The following ASNS variants were observed in gnomAD, a reference collection of about 807,000 sequenced individuals.
ASNS encodes the protein asparagine synthetase (glutamine-hydrolyzing).
A neutral mutation model predicts 62.6 loss-of-function variants in ASNS; 37 were observed. The ratio of observed to expected loss-of-function variants is 0.59; its 90% CI spans 0.45 to 0.78. ASNS has a LOEUF of 0.78. Ranked by LOEUF, ASNS falls within the 30% of genes least tolerant of loss-of-function variation. The pLI is 0.00. For missense variants in ASNS, 520 were observed against 682.4 expected (o/e 0.76, Z 2.65); for synonymous variants, 207 against 237.9 (o/e 0.87, Z 1.19).
chr7:97,857,208 A>T (rs1346335715), intron 7 of ASNS, among the ~76,000 whole-genome samples: 1 of 152,156 alleles, frequency 6.6e-6, no homozygotes, highest in African/African-American at 2.4e-5. Flanking sequence ...ATTCTTATAT[A>T]GAATGGCCCT....
In ASNS at chr7:97,869,106, C is replaced by T. The variant is rs765364206; in HGVS notation, c.51G>A (p.Gln17=). ...LFGSDDCLSV[Q]CLSAMKIAHR... is the part of the protein sequence containing the mutation. ...GTGCAATCTTCATAGCACTCAGACA[C>T]TGAACAGAAAGGCAATCATCACTGC... Residue 17 remains glutamine, a synonymous_variant, in exon 3 of 13, where the codon CAG becomes CAA. Transcript: ENST00000394308. 6.2e-7 allele frequency: 1 copy of T among 1,614,194 alleles called. No homozygotes were observed. The highest frequency in any genetic ancestry group is 8.5e-7 in the Non-Finnish European group (1 of 1,180,028).
chr7:97,880,728 T>C, the ASNS span, among the ~76,000 whole-genome samples: 1 of 152,066 alleles, frequency 6.6e-6, no homozygotes, highest in Non-Finnish European at 1.5e-5. Context: ...CAGAAAGACA[T>C]TGGCAGGCTA....
At chr7:97,898,962 C>T in the ASNS span, 1 of 833,028 alleles carries the variant, frequency 1.2e-6, no homozygotes, top group Non-Finnish European at 2.0e-6. Context: ...ATTTGGGTTC[C>T]TTGGGTCCTG....
chr7:97,896,741 C>CACACACACACACATAT, the ASNS span, among the ~76,000 whole-genome samples: 11 of 19,766 alleles, frequency 5.6e-4, no homozygotes, highest in African/African-American at 1.2e-3. Context: ...CACACACACA[C>CACACACACACACATAT]ATATATATAT....
At chr7:97,878,688 G>A in the ASNS span, among the ~76,000 whole-genome samples, 2 of 152,154 alleles carry the variant, frequency 1.3e-5, no homozygotes, top group Admixed American at 6.5e-5. Context: ...TGGGTAGGAA[G>A]AATCAATATT....
At chr7:97,917,995 A>G in the ASNS span, among the ~76,000 whole-genome samples, 4 of 152,146 alleles carry the variant, frequency 2.6e-5, no homozygotes, top group Non-Finnish European at 5.9e-5. Flanking sequence ...AGGCCTCGAG[A>G]TTTGCAGTAA....
upstream of ASNS, among the ~76,000 whole-genome samples, chr7:97,877,365 T>C (rs1397476324): frequency 6.6e-6 from 1 of 152,200 alleles, no homozygotes; most frequent in Non-Finnish European, 1.5e-5. Flanking sequence ...AGTGTTGGGA[T>C]TACAGGCATG....
the ASNS span, among the ~76,000 whole-genome samples, chr7:97,907,768 C>CAAAAAAAAAAAAAA: frequency 7.2e-6 from 1 of 138,474 alleles, no homozygotes; most frequent in Admixed American, 7.3e-5. Flanking sequence ...GACTCCATCT[C>CAAAAAAAAAAAAAA]AAAAAAAAAA....
At chr7:97,890,863 T>C in the ASNS span, among the ~76,000 whole-genome samples, 12 of 152,318 alleles carry the variant, frequency 7.9e-5, no homozygotes, top group Middle Eastern at 3.4e-3. Context: ...GAGTCCTACA[T>C]TGGGAAGCAA....
chr7:97,878,118 G>GCTCA, the ASNS span, among the ~76,000 whole-genome samples: 6 of 152,198 alleles, frequency 3.9e-5, no homozygotes, highest in Admixed American at 1.3e-4. Flanking sequence ...GGGTGGAGTG[G>GCTCA]CTCACACCTG....
At chr7:97,899,207 C>A in the ASNS span, 8 of 226,148 alleles carry the variant, frequency 3.5e-5, no homozygotes, top group South Asian at 5.8e-4. Context: ...CTCTTAAACT[C>A]CTGATGTCAG....
the ASNS span, among the ~76,000 whole-genome samples, chr7:97,895,824 A>G: frequency 6.6e-6 from 1 of 152,146 alleles, no homozygotes; most frequent in Non-Finnish European, 1.5e-5. Context: ...TTAAAAACGG[A>G]TGTATAATTC....
chr7:97,896,453 G>A, the ASNS span, among the ~76,000 whole-genome samples: 837 of 148,898 alleles, frequency 5.6e-3, 1 homozygote, highest in Middle Eastern at 0.021. Context: ...AATTAGCCAG[G>A]CGTGGTGGTG....
the ASNS span, among the ~76,000 whole-genome samples, chr7:97,926,603 G>A: frequency 1.3e-5 from 2 of 152,160 alleles, no homozygotes; most frequent in African/African-American, 4.8e-5. Flanking sequence ...GGGCAGCAGT[G>A]GGCTTTGGGC....
the ASNS span, chr7:97,928,124 G>A: frequency 6.5e-7 from 1 of 1,531,814 alleles, no homozygotes; most frequent in Non-Finnish European, 8.7e-7. Flanking sequence ...TCTCCTCCCT[G>A]CCCGGCCGCG....
chr7:97,871,373 A>C (rs1478240343), intron 1 of ASNS, among the ~76,000 whole-genome samples: 1 of 152,172 alleles, frequency 6.6e-6, no homozygotes, highest in Non-Finnish European at 1.5e-5. Flanking sequence ...ACTTAGTGCT[A>C]CTTACAACTT....
At chr7:97,891,628 T>C in the ASNS span, among the ~76,000 whole-genome samples, 5 of 151,988 alleles carry the variant, frequency 3.3e-5, no homozygotes, top group East Asian at 9.6e-4. Flanking sequence ...TGGCAGAAAA[T>C]TGTCAAAACA....
the ASNS span, among the ~76,000 whole-genome samples, chr7:97,899,683 C>A: frequency 6.6e-6 from 1 of 152,210 alleles, no homozygotes; most frequent in South Asian, 2.1e-4. Context: ...TGAATGAAAT[C>A]ATGTAGAATG....
the ASNS span, among the ~76,000 whole-genome samples, chr7:97,907,494 T>C: frequency 6.6e-6 from 1 of 152,042 alleles, no homozygotes; most frequent in Non-Finnish European, 1.5e-5. Context: ...GCTGGGCTCA[T>C]ACAGTGGCTC....
Sources: gnomAD v4.1 joint callset for allele counts (sites outside exome capture counted in the v4.1 genomes callset) on GRCh38, gnomAD v4.1.1 for gene constraint, MANE v1.5 for transcripts, NCBI Gene and HGNC (gene_info 2026-07-23, HGNC 2026-07-21) for gene names.